The following PPCS variants were observed in gnomAD, a reference collection of about 807,000 sequenced individuals.
The protein encoded by PPCS is phosphopantothenoylcysteine synthetase, also known as phosphopantothenate--cysteine ligase.
PPCS carries 17 observed loss-of-function variants against 24.6 expected under a neutral mutation model. That is an observed-to-expected ratio of 0.69 (90% CI 0.47 to 1.04). The LOEUF is 1.04. PPCS is among the 50% of genes least tolerant of loss of function. The pLI is 0.00. For synonymous variants in PPCS, 190 were observed against 168.3 expected (o/e 1.13, Z -1.00); for missense variants, 360 against 402.8 (o/e 0.89, Z 0.91).
chr1:42,459,517 A>C, intron 2 of PPCS, 86 bp from the exon 3 acceptor site: 1 of 1,165,966 alleles, frequency 8.6e-7, no homozygotes, highest in Non-Finnish European at 1.2e-6. Flanking sequence ...AATCCCACTT[A>C]AATTTAATTC....
chr1:42,467,336 A>C (rs887218613), intron 2 of PPCS, among the ~76,000 whole-genome samples: 1 of 152,236 alleles, frequency 6.6e-6, no homozygotes, highest in South Asian at 2.1e-4. Flanking sequence ...GGTTGCTATT[A>C]TACTAAATTG....
At chr1:42,459,441 CA>C in intron 2 of PPCS, 161 bp from the exon 3 acceptor site, 1 of 683,856 alleles carries the variant, frequency 1.5e-6, no homozygotes, top group East Asian at 2.7e-5. Context: ...GATTACAGGC[CA>C]AGCCACTGTG....
chr1:42,471,152 G>A (rs571579861), intron 2 of PPCS, among the ~76,000 whole-genome samples: 1 of 152,274 alleles, frequency 6.6e-6, no homozygotes, highest in East Asian at 1.9e-4. Context: ...ATGGTCAAGT[G>A]AAGGAGCTTG....
intron 2 of PPCS, among the ~76,000 whole-genome samples, chr1:42,472,711 T>TA (rs1188243388): frequency 6.6e-6 from 1 of 152,144 alleles, no homozygotes; most frequent in African/African-American, 2.4e-5. Context: ...TTTTAGAAGA[T>TA]ACACAGTTGT....
rs184660610 is a variant in PPCS, at chr1:42,470,571, A to G, written n.378-2551A>G. ...GTGGAAACAACTCCAATGTCCATCA[A>G]CAGGTGAATGTATAAATAAAATGTG... On this transcript the variant is annotated intron_variant and non_coding_transcript_variant, in intron 2 of 2. Transcript: ENST00000471420. 7.2e-5 allele frequency among the ~76,000 whole-genome samples: 11 copies of G among 152,372 alleles called. No homozygotes were observed. The East Asian group carries it at 2.1e-3, about 29-fold the overall frequency.
In PPCS at chr1:42,459,948, C is replaced by A. The variant is rs1228630243; in HGVS notation, c.*22C>A. ...CTGAAGTAAAAAGCCCTTATAGGAT[C>A]AAAAATTGTTCAGGGCTCTTAGAGA... On this transcript the variant is annotated 3_prime_UTR_variant, in exon 3 of 3. Coordinates refer to ENST00000372561, the MANE Select transcript of PPCS (RefSeq NM_024664.4). 1.9e-6 allele frequency: 3 copies of A among 1,564,790 alleles called. No individual in the cohort carries two copies. Among genetic ancestry groups the A allele is most frequent in the South Asian group, 2.4e-5 (2 of 83,408 alleles).
Position 42,456,744 on chromosome 1 carries a change from T to G in PPCS, c.179T>G (p.Phe60Cys), listed in dbSNP as rs1200871913. 1.2e-6 allele frequency: 2 copies of G among 1,611,376 alleles called. No individual in the cohort carries two copies. The highest frequency in any genetic ancestry group is 2.2e-5 in the South Asian group (2 of 90,940). The stretch of plus-strand genomic sequence containing the variant: ...CGGCCGGTGCGCTTCCTGGACAACT[T>G]CAGCAGCGGGCGGCGCGGTGCAACC... ...EARPVRFLDN[F>C]SSGRRGATSA... Residue 60 changes from phenylalanine (F) to cysteine (C), a missense_variant, in exon 1 of 3, where the codon TTC becomes TGC. Phe to Cys is a radical substitution (Grantham distance 205). Transcript: ENST00000372561.
intron 2 of PPCS, among the ~76,000 whole-genome samples, chr1:42,468,947 A>G (rs553754999): frequency 1.3e-5 from 2 of 152,284 alleles, no homozygotes; most frequent in African/African-American, 4.8e-5. Context: ...GGAGGAACCC[A>G]GGAAGCATAC....
intron 2 of PPCS, 41 bp downstream of exon 2, chr1:42,457,391 C>T: frequency 6.5e-7 from 1 of 1,547,642 alleles, no homozygotes. Flanking sequence ...TCCCATATAA[C>T]CAATCTTGGG....
chr1:42,463,098 T>C (rs545018303), downstream of PPCS, among the ~76,000 whole-genome samples: 1 of 152,206 alleles, frequency 6.6e-6, no homozygotes, highest in Admixed American at 6.5e-5. Context: ...TACAGCTGTC[T>C]CCAAAGCCAA....
chr1:42,459,909 A>T lies in PPCS; in HGVS notation c.919A>T (p.Ile307Leu). ...DNLQSRHTAF[I>L]GDRN ...TCTTCAGTCTCGACACACAGCTTTT[A>T]TAGGTGACAGAAACTGAAGTAAAAA... Residue 307 changes from isoleucine to leucine, a missense_variant, in exon 3 of 3, where the codon ATA becomes TTA. By Grantham distance (5) the Ile-to-Leu change is conservative. Coordinates refer to ENST00000372561, the MANE Select transcript of PPCS (RefSeq NM_024664.4). 6.2e-7 allele frequency: 1 copy of T among 1,607,946 alleles called. No homozygotes were observed. Among genetic ancestry groups the T allele is most frequent in the Non-Finnish European group, 8.5e-7 (1 of 1,176,330 alleles).
rs1217881667 is a variant in PPCS at position 42,457,230 on chromosome 1, T to A, written c.509-17T>A. The A allele has an allele frequency of 1.2e-6, 2 of 1,613,796 alleles. No homozygotes were observed. The highest frequency in any genetic ancestry group is 2.2e-5 in the South Asian group (2 of 91,064). On this transcript the variant is annotated splice_polypyrimidine_tract_variant and intron_variant, in intron 1 of 2. Transcript: ENST00000372561. Reference sequence around the variant, plus strand: ...GTACCTCGCCGATTTGTTAACACCTTGTGTTTCTCTTTGCAGGCCCTTCTG... The same window carrying A: ...GTACCTCGCCGATTTGTTAACACCTAGTGTTTCTCTTTGCAGGCCCTTCTG...
chr1:42,469,414 G>A (rs974489140), intron 2 of PPCS, among the ~76,000 whole-genome samples: 2 of 152,312 alleles, frequency 1.3e-5, no homozygotes, highest in African/African-American at 4.8e-5. Context: ...GCAAGTGTAA[G>A]AGTGTGGAAG....
At chr1:42,466,614 A>T (rs1422929005) in intron 2 of PPCS, among the ~76,000 whole-genome samples, 8 of 150,212 alleles carry the variant, frequency 5.3e-5, no homozygotes, top group African/African-American at 2.0e-4. Context: ...TGCAGTGTTG[A>T]GATCTCGGCT....
At chr1:42,465,988 C>G (rs1643566861), downstream of PPCS, among the ~76,000 whole-genome samples, 1 of 152,118 alleles carries the variant, frequency 6.6e-6, no homozygotes, top group Non-Finnish European at 1.5e-5. Context: ...ATATTTTAAA[C>G]ATTTTTTACA....
At position 42,459,010 on chromosome 1, in the gene PPCS, A is replaced by C. The variant is rs1210723672; in HGVS notation, c.613-593A>C. ...ATCTGTTTATTTGAGGGTTTGGTTC[A>C]AAAATAAAGGGACATGCTTGAGAAA... On this transcript the variant is annotated intron_variant, in intron 2 of 2. Transcript: ENST00000372561. 2.6e-5 allele frequency among the ~76,000 whole-genome samples: 4 copies of C among 152,354 alleles called. No homozygotes were observed. The East Asian group carries it at 7.7e-4, about 29-fold the overall frequency.
rs745920435 is a variant in PPCS at position 42,456,725 on chromosome 1, G to C, written c.160G>C (p.Val54Leu). Residue 54 changes from valine (V) to leucine (L), a missense_variant, in exon 1 of 3, where the codon GTG becomes CTG. This residue lies in a region of PPCS where 244 missense variants were observed against 234.7 expected (regional missense o/e 1.04). Transcript: ENST00000372561. The part of the protein sequence containing the change: ...GTKVPLEARP[V>L]RFLDNFSSGR... ...CAAGGTCCCACTGGAAGCGCGGCCG[G>C]TGCGCTTCCTGGACAACTTCAGCAG... 7 of 1,609,576 alleles carry C rather than the reference G, an allele frequency of 4.3e-6. No individual in the cohort carries two copies.
rs1643203037 is a variant in PPCS at position 42,456,724 on chromosome 1, G to A, written c.159G>A (p.Pro53=). 6.2e-7 allele frequency: 1 copy of A among 1,609,480 alleles called. No homozygotes were observed. Among genetic ancestry groups the A allele is most frequent in the East Asian group, 2.2e-5 (1 of 44,848 alleles). ...GGTKVPLEAR[P]VRFLDNFSSG... is the part of the protein sequence containing the mutation. ...CCAAGGTCCCACTGGAAGCGCGGCCGGTGCGCTTCCTGGACAACTTCAGCA... is the reference window on the plus strand; with the variant it reads ...CCAAGGTCCCACTGGAAGCGCGGCCAGTGCGCTTCCTGGACAACTTCAGCA... Residue 53 remains proline, a synonymous_variant, in exon 1 of 3, where the codon CCG becomes CCA. Coordinates refer to ENST00000372561, the MANE Select transcript of PPCS (RefSeq NM_024664.4).
intron 2 of PPCS, 98 bp downstream of exon 2, chr1:42,457,448 C>G: frequency 9.6e-7 from 1 of 1,039,810 alleles, no homozygotes. Context: ...TCTGTATTCG[C>G]TAGGCACAGG....
Sources: allele counts gnomAD v4.1 joint callset (sites outside exome capture counted in the v4.1 genomes callset), GRCh38; gene constraint gnomAD v4.1.1; regional missense constraint gnomAD v4.1.1; transcripts MANE v1.5; gene names NCBI Gene and HGNC (gene_info 2026-07-23, HGNC 2026-07-21).